Variants in INSL6 observed in about 807,000 individuals in gnomAD.
INSL6 encodes the protein insulin-like peptide INSL6.
In INSL6, 16 loss-of-function variants were observed where a neutral mutation model predicts 9.4. The observed-to-expected ratio is 1.70, with a 90% CI of 1.15 to 2.59. INSL6 has a LOEUF of 2.59. Ranked by LOEUF, INSL6 falls within the 30% of genes most tolerant of loss-of-function variation. The probability of loss-of-function intolerance (pLI) is 0.00; values close to 1 mark genes in which losing one functional copy is unlikely to be tolerated. For missense variants in INSL6, 391 were observed against 257.3 expected (o/e 1.52, Z -3.56); for synonymous variants, 154 against 96.9 (o/e 1.59, Z -3.46).
the INSL6 span, among the ~76,000 whole-genome samples, chr9:5,052,664 C>T: frequency 1.3e-5 from 2 of 152,058 alleles, no homozygotes; most frequent in Admixed American, 1.3e-4. Flanking sequence ...TTTCCCCCAG[C>T]CTCTGGAAAC....
At chr9:5,126,649 G>A (rs758859180) in intron 3 of INSL6, 1 of 1,431,616 alleles carries the variant, frequency 7.0e-7, no homozygotes, top group South Asian at 1.2e-5. Flanking sequence ...GGCCCTTAGT[G>A]TTCATTTAAT....
Position 5,164,178 on chromosome 9 carries a change from C to A in INSL6, c.377G>T (p.Gly126Val), listed in dbSNP as rs768162857. The A allele has an allele frequency of 6.2e-7, 1 of 1,607,512 alleles. No homozygotes were observed. The highest frequency in any genetic ancestry group is 8.5e-7 in the Non-Finnish European group (1 of 1,177,342). Residue 126 changes from glycine (G) to valine (V), a missense_variant, in exon 2 of 2, where the codon GGT becomes GTT. Transcript: ENST00000381641. ...YKDKKGYSPL[G>V]KTREFSSSHN... ...TGATGAAGAAAATTCTCTTGTCTTACCAAGGGGTGAATATCCCTTTTTATC... is the reference window on the plus strand; with the variant it reads ...TGATGAAGAAAATTCTCTTGTCTTAACAAGGGGTGAATATCCCTTTTTATC...
At chr9:5,162,532 C>T (rs1325582344), downstream of INSL6, among the ~76,000 whole-genome samples, 3 of 152,118 alleles carry the variant, frequency 2.0e-5, no homozygotes, top group Admixed American at 6.5e-5. Context: ...TAAACTGGAT[C>T]GTGTACATGG....
chr9:5,067,101 A>C, the INSL6 span, among the ~76,000 whole-genome samples: 2 of 152,102 alleles, frequency 1.3e-5, no homozygotes, highest in Non-Finnish European at 1.5e-5. Flanking sequence ...TTTGTTTGCA[A>C]AACTGGAAAT....
chr9:5,104,391 A>AT, the INSL6 span, among the ~76,000 whole-genome samples: 3 of 152,210 alleles, frequency 2.0e-5, no homozygotes, highest in African/African-American at 7.2e-5. Flanking sequence ...GAATAGACCA[A>AT]TAACAGGCTC....
At chr9:5,134,492 T>C (rs1013915731) in intron 2 of INSL6, among the ~76,000 whole-genome samples, 1 of 152,204 alleles carries the variant, frequency 6.6e-6, no homozygotes, top group East Asian at 1.9e-4. Context: ...ACAGCGGATC[T>C]CTCTGCAGAA....
At chr9:5,159,567 A>C (rs937252647), downstream of INSL6, among the ~76,000 whole-genome samples, 1 of 152,216 alleles carries the variant, frequency 6.6e-6, no homozygotes, top group Non-Finnish European at 1.5e-5. Flanking sequence ...ATCATTATAT[A>C]ATATTAAAGG....
chr9:5,184,155 T>G (rs548156677), intron 1 of INSL6, among the ~76,000 whole-genome samples: 1 of 152,320 alleles, frequency 6.6e-6, no homozygotes, highest in Non-Finnish European at 1.5e-5. Flanking sequence ...TATTCATTCA[T>G]TCCAAAAAAG....
At chr9:5,129,498 A>C (rs914875651) in intron 3 of INSL6, among the ~76,000 whole-genome samples, 2 of 152,126 alleles carry the variant, frequency 1.3e-5, no homozygotes, top group Non-Finnish European at 2.9e-5. Context: ...TAATATTTCT[A>C]ATGAAAGTTT....
At chr9:5,073,866 C>T in the INSL6 span, 2 of 866,302 alleles carry the variant, frequency 2.3e-6, no homozygotes, top group South Asian at 2.9e-5. Context: ...TTCAGGATCA[C>T]AGCTAGGTGT....
the INSL6 span, chr9:5,085,918 C>G: frequency 9.6e-7 from 1 of 1,044,374 alleles, no homozygotes; most frequent in Non-Finnish European, 1.5e-6. Flanking sequence ...TCATACAGAC[C>G]TTTCAAGTCT....
chr9:5,166,910 G>A (rs1825065471), intron 1 of INSL6, among the ~76,000 whole-genome samples: 1 of 152,096 alleles, frequency 6.6e-6, no homozygotes, highest in Non-Finnish European at 1.5e-5. Flanking sequence ...TTAGTTAACT[G>A]AATCCATAAA....
At chr9:5,052,014 T>TG in the INSL6 span, among the ~76,000 whole-genome samples, 1 of 152,082 alleles carries the variant, frequency 6.6e-6, no homozygotes, top group Non-Finnish European at 1.5e-5. Context: ...ATTGAATACT[T>TG]GCTGTATGCC....
At chr9:5,148,237 G>A (rs566814239) in intron 2 of INSL6, among the ~76,000 whole-genome samples, 2 of 152,322 alleles carry the variant, frequency 1.3e-5, no homozygotes, top group African/African-American at 4.8e-5. Context: ...ACAGGACTAA[G>A]GGTCAGTACA....
At chr9:5,056,008 T>C in the INSL6 span, among the ~76,000 whole-genome samples, 2 of 152,060 alleles carry the variant, frequency 1.3e-5, no homozygotes, top group Admixed American at 1.3e-4. Flanking sequence ...TACTGTACTT[T>C]TTTTACTCAT....
At chr9:5,123,727 A>G (rs1250111222), downstream of INSL6, among the ~76,000 whole-genome samples, 1 of 151,922 alleles carries the variant, frequency 6.6e-6, no homozygotes, top group African/African-American at 2.4e-5. Flanking sequence ...AAATCTTTAT[A>G]ATGTTTTCCA....
At chr9:5,175,786 T>C (rs1055979107) in intron 1 of INSL6, among the ~76,000 whole-genome samples, 57 of 152,162 alleles carry the variant, frequency 3.7e-4, no homozygotes, top group Admixed American at 3.7e-3. Flanking sequence ...TGCCTGATTA[T>C]CTATCACTGT....
At chr9:5,001,322 G>C in the INSL6 span, among the ~76,000 whole-genome samples, 1 of 152,212 alleles carries the variant, frequency 6.6e-6, no homozygotes, top group East Asian at 1.9e-4. Context: ...ATAGAAGGTT[G>C]TTTGTAGATG....
the INSL6 span, among the ~76,000 whole-genome samples, chr9:5,000,273 C>CA: frequency 6.6e-6 from 1 of 151,776 alleles, no homozygotes; most frequent in African/African-American, 2.4e-5. Context: ...CATAATGTGA[C>CA]AGAGTTTTTG....
Sources: allele counts gnomAD v4.1 joint callset (sites outside exome capture counted in the v4.1 genomes callset), GRCh38; gene constraint gnomAD v4.1.1; transcripts MANE v1.5; gene names NCBI Gene and HGNC (gene_info 2026-07-23, HGNC 2026-07-21).